Variants in FBXL7 observed in about 807,000 individuals in gnomAD.
The protein encoded by FBXL7 is F-box and leucine rich repeat protein 7.
FBXL7 carries 12 observed loss-of-function variants against 38.3 expected under a neutral mutation model. The ratio of observed to expected loss-of-function variants is 0.31; its 90% CI spans 0.20 to 0.51. The LOEUF (loss-of-function observed/expected upper bound fraction) is 0.51, where lower values mean the gene tolerates loss of function less well. Among genes scored for constraint, FBXL7 ranks in the 20% least tolerant of loss-of-function variants. FBXL7 has a pLI of 0.98. For missense variants in FBXL7, 567 were observed against 676.4 expected (o/e 0.84, Z 1.79); for synonymous variants, 297 against 300.9 (o/e 0.99, Z 0.13).
chr5:15,598,394 TCTTA>T (rs1490244234), intron 1 of FBXL7, among the ~76,000 whole-genome samples: 3 of 152,190 alleles, frequency 2.0e-5, no homozygotes, highest in Admixed American at 6.5e-5. Flanking sequence ...GAAAAAAGTG[TCTTA>T]CTTTAGGATG....
At chr5:15,769,329 C>T (rs764106035) in intron 2 of FBXL7, among the ~76,000 whole-genome samples, 21 of 152,218 alleles carry the variant, frequency 1.4e-4, no homozygotes, top group Non-Finnish European at 2.4e-4. Flanking sequence ...AATTGACCCT[C>T]TATGGTATGA....
chr5:15,757,307 G>A (rs1736323262), intron 2 of FBXL7, among the ~76,000 whole-genome samples: 1 of 152,128 alleles, frequency 6.6e-6, no homozygotes, highest in South Asian at 2.1e-4. Context: ...AGTTCAAAGA[G>A]GCTATTAGGA....
At chr5:15,695,342 A>C (rs1743302232) in intron 2 of FBXL7, among the ~76,000 whole-genome samples, 1 of 151,948 alleles carries the variant, frequency 6.6e-6, no homozygotes, top group African/African-American at 2.4e-5. Context: ...GGGCCTCAGG[A>C]GGGGAAAGTG....
At chr5:15,649,160 C>T (rs1428320246) in intron 2 of FBXL7, among the ~76,000 whole-genome samples, 1 of 152,082 alleles carries the variant, frequency 6.6e-6, no homozygotes, top group African/African-American at 2.4e-5. Flanking sequence ...CCACACCCAG[C>T]TAACTTTTAT....
rs137931285 is a variant in FBXL7, at chr5:15,667,172, T to G, written c.127+51100T>G. On this transcript the variant is annotated intron_variant, in intron 2 of 3. Coordinates refer to ENST00000504595, the MANE Select transcript of FBXL7 (RefSeq NM_012304.5). The stretch of plus-strand genomic sequence containing the variant: ...TGCCAATAGCAATCCTAGGCTAACA[T>G]TTCACATTCAAATTAATTGAAGCAG... 1.2e-4 allele frequency among the ~76,000 whole-genome samples: 19 copies of G among 152,302 alleles called. No individual in the cohort carries two copies. The East Asian group carries it at 3.7e-3, about 29-fold the overall frequency.
chr5:15,893,063 C>A (rs28623428), intron 2 of FBXL7, among the ~76,000 whole-genome samples: 6,166 of 149,434 alleles, frequency 0.041, 419 homozygotes, highest in African/African-American at 0.14. Context: ...TTGCAGTGAG[C>A]GGAGATCACG....
intron 2 of FBXL7, among the ~76,000 whole-genome samples, chr5:15,617,126 C>T (rs1179269039): frequency 6.6e-6 from 1 of 152,162 alleles, no homozygotes; most frequent in African/African-American, 2.4e-5. Flanking sequence ...GGTATGTATA[C>T]GTCTTCTCTT....
rs1010830480 is a variant in FBXL7, at chr5:15,753,355, A to T, written c.127+137283A>T. Among the ~76,000 whole-genome samples the T allele has an allele frequency of 2.6e-5, 4 of 152,146 alleles. No homozygotes were observed. In the South Asian group the frequency reaches 8.3e-4, roughly 32 times the overall value. On this transcript the variant is annotated intron_variant, in intron 2 of 3. Transcript: ENST00000504595. ...GGGGAATATTTGACCTCTACTTTAG[A>T]TGATCTACATTTTTAATGTTAGTAT... is the stretch of plus-strand genomic sequence containing the variant.
At chr5:15,775,686 C>G (rs1345722115) in intron 2 of FBXL7, among the ~76,000 whole-genome samples, 2 of 152,114 alleles carry the variant, frequency 1.3e-5, no homozygotes, top group African/African-American at 4.8e-5. Flanking sequence ...TCAGCTAATT[C>G]AGAATTTCAA....
At chr5:15,873,702 C>T (rs1740074293) in intron 2 of FBXL7, among the ~76,000 whole-genome samples, 1 of 152,090 alleles carries the variant, frequency 6.6e-6, no homozygotes, top group South Asian at 2.1e-4. Flanking sequence ...TACGCCCTCC[C>T]AAGACTAAAC....
intron 2 of FBXL7, among the ~76,000 whole-genome samples, chr5:15,855,279 A>G (rs1470686470): frequency 2.6e-5 from 4 of 152,172 alleles, no homozygotes; most frequent in East Asian, 1.9e-4. Context: ...GAAGAAATTT[A>G]CTTGTAATTT....
intron 1 of FBXL7, among the ~76,000 whole-genome samples, chr5:15,568,058 T>C (rs750168107): frequency 6.6e-5 from 10 of 151,938 alleles, no homozygotes; most frequent in South Asian, 2.1e-4. Flanking sequence ...AATAAACATA[T>C]GTGTGCATGT....
At chr5:15,685,916 C>T (rs1457385383) in intron 2 of FBXL7, among the ~76,000 whole-genome samples, 1 of 152,130 alleles carries the variant, frequency 6.6e-6, no homozygotes, top group African/African-American at 2.4e-5. Flanking sequence ...CTGCAGTCAC[C>T]AACCTGGTCT....
intron 1 of FBXL7, among the ~76,000 whole-genome samples, chr5:15,526,044 G>A (rs1214288375): frequency 6.6e-6 from 1 of 152,144 alleles, no homozygotes; most frequent in East Asian, 1.9e-4. Context: ...TGATGTGGGG[G>A]TGATGAAAGA....
Position 15,903,319 on chromosome 5 carries a change from A to G in FBXL7, c.128-24571A>G, listed in dbSNP as rs73752382. Among the ~76,000 whole-genome samples, 973 of 152,248 alleles carry G rather than the reference A, an allele frequency of 6.4e-3. 15 individuals carry two copies. The highest frequency in any genetic ancestry group is 0.022 in the African/African-American group (922 of 41,528). ...AAGGGGTTTAGAGTAAGCACCATGA[A>G]ATCTGACAGGTTCTCCACATCTTTC... is the stretch of plus-strand genomic sequence containing the variant. On this transcript the variant is annotated intron_variant, in intron 2 of 3. Coordinates refer to ENST00000504595, the MANE Select transcript of FBXL7 (RefSeq NM_012304.5).
intron 1 of FBXL7, among the ~76,000 whole-genome samples, chr5:15,562,934 A>C (rs987415730): frequency 6.6e-6 from 1 of 152,168 alleles, no homozygotes; most frequent in Non-Finnish European, 1.5e-5. Flanking sequence ...TTATGCAGAA[A>C]GGAAGAGTGA....
At chr5:15,586,679 T>C (rs1322801421) in intron 1 of FBXL7, among the ~76,000 whole-genome samples, 1 of 152,108 alleles carries the variant, frequency 6.6e-6, no homozygotes, top group African/African-American at 2.4e-5. Flanking sequence ...ATTACACATA[T>C]TGAATTTACT....
intron 2 of FBXL7, among the ~76,000 whole-genome samples, chr5:15,821,278 A>AT (rs1389775321): frequency 6.6e-6 from 1 of 152,104 alleles, no homozygotes; most frequent in Non-Finnish European, 1.5e-5. Flanking sequence ...TTATAAATTA[A>AT]TTTTTTTAGG....
At chr5:15,830,485 A>AC (rs1554024729) in intron 2 of FBXL7, among the ~76,000 whole-genome samples, 26,857 of 144,172 alleles carry the variant, frequency 0.19, 3,209 homozygotes, top group Middle Eastern at 0.26. Context: ...CTCCATCTAA[A>AC]ACACACACAC....
Sources: allele counts gnomAD v4.1 joint callset (sites outside exome capture counted in the v4.1 genomes callset), GRCh38; gene constraint gnomAD v4.1.1; transcripts MANE v1.5; gene names NCBI Gene and HGNC (gene_info 2026-07-23, HGNC 2026-07-21).